Variants in USP25 observed in about 807,000 individuals in gnomAD.
USP25 encodes ubiquitin specific peptidase 25.
USP25 carries 85 observed loss-of-function variants against 158.5 expected under a neutral mutation model. That is an observed-to-expected ratio of 0.54 (90% CI 0.45 to 0.64). USP25 has a LOEUF of 0.64. Among genes scored for constraint, USP25 ranks in the 30% least tolerant of loss-of-function variants. The pLI is 0.00. For missense variants in USP25, 1,242 were observed against 1,327.3 expected (o/e 0.94, Z 1.00); for synonymous variants, 464 against 460.4 (o/e 1.01, Z -0.10).
intron 9 of USP25, among the ~76,000 whole-genome samples, chr21:15,814,830 C>A (rs1432448275): frequency 6.6e-6 from 1 of 152,076 alleles, no homozygotes; most frequent in African/African-American, 2.4e-5. Flanking sequence ...GAGCAGAAAA[C>A]CCCATTTTTT....
chr21:15,750,865 GC>G (rs2032960725), intron 1 of USP25, among the ~76,000 whole-genome samples: 4 of 150,962 alleles, frequency 2.6e-5, no homozygotes, highest in South Asian at 2.1e-4. Context: ...CTCCGCCTCC[GC>G]CTCCGCCTCC....
intron 20 of USP25, among the ~76,000 whole-genome samples, chr21:15,859,143 C>A (rs1194223019): frequency 2.7e-5 from 4 of 147,890 alleles, no homozygotes; most frequent in Admixed American, 6.8e-5. Context: ...TATAATATAT[C>A]TATATTATAT....
At chr21:15,859,098 A>G (rs2039293939) in intron 20 of USP25, among the ~76,000 whole-genome samples, 1 of 149,962 alleles carries the variant, frequency 6.7e-6, no homozygotes, top group Non-Finnish European at 1.5e-5. Flanking sequence ...TTCTTTCTTT[A>G]TATTTGTCAA....
At chr21:15,758,150 A>T (rs2033504668) in intron 1 of USP25, among the ~76,000 whole-genome samples, 1 of 152,192 alleles carries the variant, frequency 6.6e-6, no homozygotes, top group Admixed American at 6.5e-5. Context: ...TGAGGCCTGG[A>T]CATCTTCATT....
chr21:15,835,042 A>G (rs1354076241), intron 17 of USP25, among the ~76,000 whole-genome samples: 2 of 152,140 alleles, frequency 1.3e-5, no homozygotes, highest in South Asian at 2.1e-4. Flanking sequence ...TTCTTTCCAA[A>G]TCACTCCTCA....
intron 6 of USP25, among the ~76,000 whole-genome samples, chr21:15,804,839 A>G (rs1402413094): frequency 6.6e-6 from 1 of 152,112 alleles, no homozygotes; most frequent in Admixed American, 6.6e-5. Context: ...AATGAGGAAG[A>G]TATTCTTGGC....
chr21:15,861,673 A>G (rs1306674698), intron 20 of USP25, among the ~76,000 whole-genome samples: 2 of 152,170 alleles, frequency 1.3e-5, no homozygotes, highest in Non-Finnish European at 2.9e-5. Context: ...AAGTGTGTAA[A>G]AAATAGTTAA....
intron 1 of USP25, 104 bp downstream of exon 1, chr21:15,730,542 G>T (rs2030707235): frequency 1.6e-6 from 2 of 1,217,614 alleles, no homozygotes; most frequent in African/African-American, 1.6e-5. Context: ...GCCTTCCCGG[G>T]CTTCCTCCCC....
At chr21:15,771,113 C>CT (rs2034325267) in intron 3 of USP25, among the ~76,000 whole-genome samples, 1 of 152,076 alleles carries the variant, frequency 6.6e-6, no homozygotes, top group South Asian at 2.1e-4. Context: ...GTAGCAAGTA[C>CT]TTTTATAGAC....
intron 20 of USP25, among the ~76,000 whole-genome samples, chr21:15,862,992 T>TAAAG (rs1427674485): frequency 6.6e-6 from 1 of 152,008 alleles, no homozygotes; most frequent in Non-Finnish European, 1.5e-5. Flanking sequence ...AGGCATGCAT[T>TAAAG]TTTTAAATTA....
chr21:15,871,666 A>G (rs2039889747), intron 23 of USP25, among the ~76,000 whole-genome samples: 1 of 152,224 alleles, frequency 6.6e-6, no homozygotes, highest in Non-Finnish European at 1.5e-5. Flanking sequence ...AACATACATT[A>G]AAGGAATTTG....
intron 1 of USP25, among the ~76,000 whole-genome samples, chr21:15,736,094 C>T (rs1347808484): frequency 2.7e-5 from 4 of 149,822 alleles, no homozygotes; most frequent in Non-Finnish European, 5.9e-5. Flanking sequence ...AGATGCTGAT[C>T]TTATTTCCTG....
chr21:15,862,567 C>A (rs1194265423), intron 20 of USP25, among the ~76,000 whole-genome samples: 1 of 147,920 alleles, frequency 6.8e-6, no homozygotes, highest in Non-Finnish European at 1.5e-5. Flanking sequence ...CTCCCCCCTT[C>A]CCCGTTTTTT....
At chr21:15,839,858 A>G (rs1392065474) in intron 17 of USP25, among the ~76,000 whole-genome samples, 1 of 152,138 alleles carries the variant, frequency 6.6e-6, no homozygotes, top group African/African-American at 2.4e-5. Context: ...TTCATGAAGT[A>G]TCCTTCATCT....
chr21:15,830,803 A>G (rs2037763319), intron 15 of USP25, among the ~76,000 whole-genome samples: 2 of 152,282 alleles, frequency 1.3e-5, no homozygotes, highest in Non-Finnish European at 2.9e-5. Context: ...CAAATTTATA[A>G]CAAAATTCAT....
At chr21:15,853,889 G>A (rs2039010396) in intron 20 of USP25, among the ~76,000 whole-genome samples, 1 of 151,936 alleles carries the variant, frequency 6.6e-6, no homozygotes, top group Admixed American at 6.6e-5. Context: ...GCCTTCTTGC[G>A]GGGTAGATCT....
chr21:15,806,475 G>T (rs1361121594), intron 7 of USP25, among the ~76,000 whole-genome samples: 1 of 148,520 alleles, frequency 6.7e-6, no homozygotes. Flanking sequence ...TGATTTTGGG[G>T]TATCTTTTCA....
intron 1 of USP25, among the ~76,000 whole-genome samples, chr21:15,732,107 CAAGTT>C (rs1006628027): frequency 1.3e-5 from 2 of 152,142 alleles, no homozygotes; most frequent in African/African-American, 2.4e-5. Context: ...AATCAAGAAT[CAAGTT>C]AACGAAAGTG....
Position 15,873,406 on chromosome 21 carries a change from C to T in USP25, c.2886-997C>T, listed in dbSNP as rs115585752. Among the ~76,000 whole-genome samples the T allele has an allele frequency of 2.4e-3, 364 of 152,120 alleles. 5 individuals are homozygous for T. The highest frequency in any genetic ancestry group is 8.4e-3 in the African/African-American group (349 of 41,478). On this transcript the variant is annotated intron_variant, in intron 23 of 25. Transcript: ENST00000400183. ...AAAGTATTGGGATTACAGGCATGAGCGACTGTGCCTGGCCCCTTTTCTTCC... is the reference window on the plus strand; with the variant it reads ...AAAGTATTGGGATTACAGGCATGAGTGACTGTGCCTGGCCCCTTTTCTTCC...
Sources: gnomAD v4.1 joint callset for allele counts (sites outside exome capture counted in the v4.1 genomes callset) on GRCh38, gnomAD v4.1.1 for gene constraint, MANE v1.5 for transcripts, NCBI Gene and HGNC (gene_info 2026-07-23, HGNC 2026-07-21) for gene names.